Variants in ERCC1 observed in about 807,000 individuals in gnomAD.
ERCC1 encodes the protein ERCC excision repair 1, endonuclease non-catalytic subunit, also known as DNA excision repair protein ERCC-1.
ERCC1 carries 36 observed loss-of-function variants against 37.6 expected under a neutral mutation model. The ratio of observed to expected loss-of-function variants is 0.96; its 90% CI spans 0.73 to 1.26. ERCC1 has a LOEUF of 1.26. Among genes scored for constraint, ERCC1 ranks in the 50% most tolerant of loss-of-function variants. The probability of loss-of-function intolerance (pLI) is 0.00; values close to 1 mark genes in which losing one functional copy is unlikely to be tolerated. For synonymous variants in ERCC1, 156 were observed against 162.1 expected (o/e 0.96, Z 0.28); for missense variants, 349 against 376.5 (o/e 0.93, Z 0.60).
chr19:45,447,787 G>A (rs1966994294), intron 1 of ERCC1, among the ~76,000 whole-genome samples: 1 of 152,046 alleles, frequency 6.6e-6, no homozygotes, highest in East Asian at 1.9e-4. Flanking sequence ...GGTGTGTCCA[G>A]CCCCAGGTCG....
At position 45,409,904 on chromosome 19, in the gene ERCC1, T is replaced by A. The variant is rs559719306; in HGVS notation, c.844-179A>T. 4.2e-3 allele frequency: 1,029 copies of A among 247,592 alleles called. 15 individuals are homozygous for A. The highest frequency in any genetic ancestry group is 0.024 in the African/African-American group (962 of 39,526). 15.3% of individuals were successfully genotyped at this position (247,592 alleles called of 1,614,324 possible). On this transcript the variant is annotated intron_variant, in intron 9 of 9. Transcript: ENST00000300853. ...TATTATTATTATTATTATTTTTTTTTTTTTTGAGATGGAGTCTCGCTCTGT... is the reference window on the plus strand; with the variant it reads ...TATTATTATTATTATTATTTTTTTTATTTTTGAGATGGAGTCTCGCTCTGT...
chr19:45,419,007 T>G (rs753016645), intron 5 of ERCC1, 91 bp downstream of exon 5: 3 of 875,110 alleles, frequency 3.4e-6, no homozygotes, highest in Non-Finnish European at 3.7e-6. Context: ...TCGCTGAGGT[T>G]TTAGCTGCAT....
chr19:45,421,280 C>A lies in ERCC1; in HGVS notation c.219G>T (p.Gly73=), dbSNP rs753911504. 1 of 1,614,072 alleles carries A rather than the reference C, an allele frequency of 6.2e-7. No homozygotes were observed. Among genetic ancestry groups the A allele is most frequent in the African/African-American group, 1.3e-5 (1 of 74,942 alleles). Residue 73 remains glycine, a synonymous_variant, in exon 3 of 10, where the codon GGG becomes GGT. Transcript: ENST00000300853. The stretch of plus-strand genomic sequence containing the variant: ...GCTCTGACCCTGTGGGGCACGTGGC[C>A]CCAGCCCCTTCCAGAGGCTGTGAGA... ...YAISQPLEGA[G]ATCPTGSEPL...
At chr19:45,439,936 T>C (rs1351319487) in intron 1 of ERCC1, among the ~76,000 whole-genome samples, 1 of 152,080 alleles carries the variant, frequency 6.6e-6, no homozygotes, top group African/African-American at 2.4e-5. Flanking sequence ...CCGCTAAAAA[T>C]AGTTGCCGCG....
At chr19:45,431,549 C>T (rs762598423) in intron 1 of ERCC1, among the ~76,000 whole-genome samples, 28 of 152,056 alleles carry the variant, frequency 1.8e-4, no homozygotes, top group Admixed American at 6.6e-4. Context: ...TGGTGGCACA[C>T]GCCTGTAATC....
chr19:45,411,126 G>T (rs568701016), intron 9 of ERCC1, among the ~76,000 whole-genome samples: 1 of 152,050 alleles, frequency 6.6e-6, no homozygotes, highest in South Asian at 2.1e-4. Flanking sequence ...GCCCAGCCAG[G>T]ATCTCATTCT....
At chr19:45,443,653 C>A (rs959031732) in intron 1 of ERCC1, among the ~76,000 whole-genome samples, 2 of 152,122 alleles carry the variant, frequency 1.3e-5, no homozygotes, top group Admixed American at 1.3e-4. Flanking sequence ...CACAACCCGT[C>A]GTCGCGTCCC....
upstream of ERCC1, chr19:45,423,950 A>C (rs1230496443): frequency 9.2e-7 from 1 of 1,083,764 alleles, no homozygotes; most frequent in Non-Finnish European, 1.1e-6. Context: ...AGGAGAGTAG[A>C]GCATAGAGCA....
At chr19:45,448,909 T>G (rs549165230) in intron 1 of ERCC1, among the ~76,000 whole-genome samples, 2 of 152,084 alleles carry the variant, frequency 1.3e-5, no homozygotes, top group African/African-American at 4.8e-5. Flanking sequence ...AATCTCAGCC[T>G]TACCAAGCCA....
intron 1 of ERCC1, among the ~76,000 whole-genome samples, chr19:45,443,658 C>A (rs1244200998): frequency 6.6e-6 from 1 of 152,174 alleles, no homozygotes; most frequent in African/African-American, 2.4e-5. Context: ...CCCGTCGTCG[C>A]GTCCCGAGGG....
chr19:45,416,357 T>C (rs1186414939), intron 6 of ERCC1: 1 of 173,504 alleles, frequency 5.8e-6, no homozygotes, highest in East Asian at 1.7e-4. Context: ...CCTCATGAAA[T>C]GTTCAGCTTC....
Position 45,419,181 on chromosome 19 carries a change from G to C in ERCC1, c.442C>G (p.Leu148Val), listed in dbSNP as rs373490129. The C allele has an allele frequency of 8.8e-6, 14 of 1,594,772 alleles. No homozygotes were observed. The highest frequency in any genetic ancestry group is 2.7e-5 in the African/African-American group (2 of 74,670). ...CGCCCATGGATGTAGTCTGGGTGCA[G>C]GTTGTGGTAGCGGAGGCTGGTGGGG... The part of the protein sequence containing the change: ...ALFLSLRYHN[L>V]HPDYIHGRLQ... Residue 148 changes from leucine (L) to valine (V), a missense_variant, in exon 5 of 10, where the codon CTG (leucine) becomes GTG (valine). Transcript: ENST00000300853.
rs749731534 is a variant in ERCC1 at position 45,408,709 on chromosome 19, G to A, written c.*966C>T. On this transcript the variant is annotated 3_prime_UTR_variant, in exon 10 of 10. Transcript: ENST00000300853. ...TGGAGCCTCTGGGAGTGCTGTTCCC[G>A]TCCACCACCAAGAAGAGGAAGAAGC... 4.1e-5 allele frequency: 66 copies of A among 1,613,838 alleles called. No homozygotes were observed. The highest frequency in any genetic ancestry group is 2.9e-4 in the South Asian group (26 of 91,042).
Position 45,423,798 on chromosome 19 carries a change from C to T in ERCC1, c.-25G>A, listed in dbSNP as rs948112894. 8 of 1,120,352 alleles carry T rather than the reference C, an allele frequency of 7.1e-6. No homozygotes were observed. In the African/African-American group the frequency reaches 1.3e-4, roughly 18 times the overall value. The allele number at this position is 1,120,352 out of a possible 1,614,324, so 69.4% of individuals were successfully genotyped here. On this transcript the variant is annotated 5_prime_UTR_variant, in exon 1 of 10. It adds an upstream start codon to the 5' untranslated region. Coordinates refer to ENST00000300853, the MANE Select transcript of ERCC1 (RefSeq NM_001983.4). ...TCCCGCACCTGTGGTCCGGGCCTCA[C>T]GGTTTCAGCGCCGCGAGGCCTCACC...
At chr19:45,442,157 T>C (rs7254320) in intron 1 of ERCC1, among the ~76,000 whole-genome samples, 1 of 142,794 alleles carries the variant, frequency 7.0e-6, no homozygotes, top group African/African-American at 2.6e-5. Context: ...GGGAAAAAAA[T>C]TTTTTTTAAT....
At chr19:45,445,040 G>C (rs78140090) in intron 1 of ERCC1, among the ~76,000 whole-genome samples, 4,453 of 152,232 alleles carry the variant, frequency 0.029, 213 homozygotes, top group African/African-American at 0.1. Context: ...TTGTCTGAGA[G>C]GAGTTTCGCT....
intron 9 of ERCC1, among the ~76,000 whole-genome samples, chr19:45,413,070 T>C (rs1973839969): frequency 6.6e-6 from 1 of 151,938 alleles, no homozygotes. Context: ...TGTGATCCCA[T>C]TTGTCCATTT....
chr19:45,413,827 C>A (rs1973883322), intron 8 of ERCC1, 82 bp from the exon 9 acceptor site: 1 of 1,600,976 alleles, frequency 6.2e-7, no homozygotes, highest in Non-Finnish European at 8.5e-7. Context: ...TCAGATATTC[C>A]CCAGGGGAGA....
At chr19:45,428,431 G>A (rs1057150747), upstream of ERCC1, among the ~76,000 whole-genome samples, 3 of 152,038 alleles carry the variant, frequency 2.0e-5, no homozygotes. Flanking sequence ...TTGGAATCCC[G>A]GATTCGAATC....
Sources: allele counts gnomAD v4.1 joint callset (sites outside exome capture counted in the v4.1 genomes callset), GRCh38; gene constraint gnomAD v4.1.1; transcripts MANE v1.5; gene names NCBI Gene and HGNC (gene_info 2026-07-23, HGNC 2026-07-21).